The following PATL1 variants were observed in gnomAD, a reference collection of about 807,000 sequenced individuals.
PATL1 encodes the protein PAT1 homolog 1, processing body mRNA decay factor, also known as protein PAT1 homolog 1.
In PATL1, 32 loss-of-function variants were observed where a neutral mutation model predicts 100.6. The ratio of observed to expected loss-of-function variants is 0.32; its 90% CI spans 0.24 to 0.43. The LOEUF is 0.43. Among genes scored for constraint, PATL1 ranks in the 20% least tolerant of loss-of-function variants. The pLI, the probability that PATL1 is intolerant of heterozygous loss-of-function variation, is 1.00. For missense variants in PATL1, 747 were observed against 949.9 expected (o/e 0.79, Z 2.81); for synonymous variants, 332 against 330.0 (o/e 1.01, Z -0.07).
Position 59,637,767 on chromosome 11 carries a change from A to C in PATL1, c.*623T>G, listed in dbSNP as rs1197529069. On this transcript the variant is annotated 3_prime_UTR_variant, in exon 19 of 19. Coordinates refer to ENST00000300146, the MANE Select transcript of PATL1 (RefSeq NM_152716.3). ...ATTTATGTTAAAACAAGTAGAACCC[A>C]CCAAATTAATTACAAGATAGAACAG... The C allele has an allele frequency of 6.6e-6, 1 of 152,500 alleles. No homozygotes were observed. Among genetic ancestry groups the C allele is most frequent in the Non-Finnish European group, 1.5e-5 (1 of 68,258 alleles). 9.4% of individuals were successfully genotyped at this position (152,500 alleles called of 1,614,324 possible). A position where few individuals can be genotyped will look rare whatever the true frequency, so the allele number is the denominator to read the frequency against.
In PATL1 at chr11:59,650,832, T is replaced by C; in HGVS notation, c.1525-19A>G. The C allele has an allele frequency of 1.3e-6, 2 of 1,510,584 alleles. No individual in the cohort carries two copies. The highest frequency in any genetic ancestry group is 4.8e-5 in the East Asian group (2 of 41,728). 93.6% of individuals were successfully genotyped at this position (1,510,584 alleles called of 1,614,324 possible). ...TTGTCTCCTAAAAAAGAGAAGACTA[T>C]TCAATGCAAATTCTTTATCTCTGTT... On this transcript the variant is annotated intron_variant, in intron 12 of 18. Coordinates refer to ENST00000300146, the MANE Select transcript of PATL1 (RefSeq NM_152716.3).
At chr11:59,655,057 T>G (rs965899034) in intron 8 of PATL1, among the ~76,000 whole-genome samples, 2 of 152,238 alleles carry the variant, frequency 1.3e-5, no homozygotes, top group Admixed American at 6.5e-5. Context: ...TGGTCTGTCT[T>G]ACAGATTTCG....
At position 59,638,309 on chromosome 11, in the gene PATL1, C is replaced by A; in HGVS notation, c.*81G>T. 1 of 1,424,098 alleles carries A rather than the reference C, an allele frequency of 7.0e-7. No homozygotes were observed. Among genetic ancestry groups the A allele is most frequent in the East Asian group, 2.3e-5 (1 of 43,334 alleles). 88.2% of individuals were successfully genotyped at this position (1,424,098 alleles called of 1,614,324 possible). On this transcript the variant is annotated 3_prime_UTR_variant, in exon 19 of 19. Coordinates refer to ENST00000300146, the MANE Select transcript of PATL1 (RefSeq NM_152716.3). ...TTTGGGGAAAAAGCTACCTTCCTTC[C>A]CTCATTAAAAACACTCCATTGGTGA...
In PATL1 at chr11:59,647,738, C is replaced by T. The variant is rs2134743029; in HGVS notation, c.1893+16G>A. ...ATAAAGACTCAAAAGAAAGATGTCC[C>T]ATCTTGCATAGTCACCTCATCTTGT... is the stretch of plus-strand genomic sequence containing the variant. On this transcript the variant is annotated intron_variant, in intron 15 of 18. Coordinates refer to ENST00000300146, the MANE Select transcript of PATL1 (RefSeq NM_152716.3). 1 of 1,612,722 alleles carries T rather than the reference C, an allele frequency of 6.2e-7. No individual in the cohort carries two copies. Among genetic ancestry groups the T allele is most frequent in the Non-Finnish European group, 8.5e-7 (1 of 1,179,194 alleles).
chr11:59,640,380 T>TAA (rs1861259029), intron 16 of PATL1, among the ~76,000 whole-genome samples: 1 of 151,628 alleles, frequency 6.6e-6, no homozygotes, highest in Non-Finnish European at 1.5e-5. Context: ...AAATGTGTTT[T>TAA]ATTTAGTGGA....
At chr11:59,658,711 G>A (rs1350845701) in intron 4 of PATL1, among the ~76,000 whole-genome samples, 155 bp downstream of exon 4, 1 of 152,142 alleles carries the variant, frequency 6.6e-6, no homozygotes, top group Non-Finnish European at 1.5e-5. Context: ...TACCCTGGAG[G>A]CTAAAGAAAG....
chr11:59,664,171 C>T (rs894228137), intron 2 of PATL1, among the ~76,000 whole-genome samples: 2 of 152,190 alleles, frequency 1.3e-5, no homozygotes, highest in African/African-American at 4.8e-5. Context: ...TAACTTTGTA[C>T]TACCTGTTCT....
intron 1 of PATL1, among the ~76,000 whole-genome samples, chr11:59,667,902 A>C (rs1325031571): frequency 3.3e-5 from 5 of 152,356 alleles, no homozygotes; most frequent in Admixed American, 1.3e-4. Flanking sequence ...TCAAAAATTC[A>C]GAATCAGAAT....
At chr11:59,652,787 C>A in intron 10 of PATL1, 51 bp downstream of exon 10, 1 of 1,565,646 alleles carries the variant, frequency 6.4e-7, no homozygotes, top group Non-Finnish European at 8.7e-7. Context: ...AATACCCTCA[C>A]CAGTGTAGGG....
chr11:59,661,376 G>T (rs1861622332), intron 2 of PATL1, among the ~76,000 whole-genome samples: 1 of 152,168 alleles, frequency 6.6e-6, no homozygotes, highest in Non-Finnish European at 1.5e-5. Flanking sequence ...TTGAGCCACT[G>T]CCTCTGGCCT....
intron 5 of PATL1, 85 bp downstream of exon 5, chr11:59,657,445 C>G: frequency 7.9e-7 from 1 of 1,273,686 alleles, no homozygotes; most frequent in East Asian, 2.5e-5. Context: ...AAAATTTCCA[C>G]CCTCCACCCA....
intron 11 of PATL1, 30 bp from the exon 12 acceptor site, chr11:59,651,671 AC>A: frequency 1.4e-6 from 2 of 1,452,298 alleles, no homozygotes; most frequent in Non-Finnish European, 1.9e-6. Flanking sequence ...AAAAATTCCA[AC>A]AAAATAAAAA....
rs1861503227 is a variant in PATL1, at chr11:59,654,843, CAA to C, written c.1031+678_1031+679del. Among the ~76,000 whole-genome samples the C allele has an allele frequency of 1.3e-5, 2 of 152,166 alleles. 1 individual carries two copies. The highest frequency in any genetic ancestry group is 3.8e-4 in the East Asian group (2 of 5,198). On this transcript the variant is annotated intron_variant, in intron 8 of 18. Coordinates refer to ENST00000300146, the MANE Select transcript of PATL1 (RefSeq NM_152716.3). ...TAACATTTATAATCAGTTGACCTTA[CAA>C]AAGAGATTACCCTCAATAATGTGGG...
intron 6 of PATL1, 45 bp from the exon 7 acceptor site, chr11:59,656,090 G>C (rs1861528059): frequency 7.0e-6 from 8 of 1,144,468 alleles, no homozygotes; most frequent in African/African-American, 1.6e-5. Flanking sequence ...CTATAAAACA[G>C]GGGGTACATC....
Position 59,636,811 on chromosome 11 carries a change from AAAGAT to A in PATL1, c.*1574_*1578del, listed in dbSNP as rs1861198718. Reference sequence around the variant, plus strand: ...ATTAATTAGAACCAATCCAAACAAAAAAGATAAAGCACAGTAAGGAAGAGATAATA... The same window carrying A: ...ATTAATTAGAACCAATCCAAACAAAAAAAGCACAGTAAGGAAGAGATAATA... On this transcript the variant is annotated 3_prime_UTR_variant, in exon 19 of 19. Transcript: ENST00000300146. 1 of 152,634 alleles carries A rather than the reference AAAGAT, an allele frequency of 6.6e-6. No individual in the cohort carries two copies. Among genetic ancestry groups the A allele is most frequent in the Non-Finnish European group, 1.5e-5 (1 of 68,040 alleles). 9.5% of individuals were successfully genotyped at this position (152,634 alleles called of 1,614,324 possible).
At chr11:59,643,166 A>G in intron 15 of PATL1, 131 bp from the exon 16 acceptor site, 2 of 941,374 alleles carry the variant, frequency 2.1e-6, no homozygotes, top group Non-Finnish European at 3.1e-6. Context: ...AGATATGACT[A>G]GAGTCTTAAT....
chr11:59,667,552 C>T (rs1359990274), intron 1 of PATL1, among the ~76,000 whole-genome samples: 2 of 152,174 alleles, frequency 1.3e-5, no homozygotes, highest in Non-Finnish European at 2.9e-5. Context: ...CAAGTTCTGG[C>T]TCCATTCCTA....
chr11:59,650,820 A>C lies in PATL1; in HGVS notation c.1525-7T>G. 1 of 1,542,362 alleles carries C rather than the reference A, an allele frequency of 6.5e-7. No individual in the cohort carries two copies. The highest frequency in any genetic ancestry group is 8.8e-7 in the Non-Finnish European group (1 of 1,137,702). On this transcript the variant is annotated splice_region_variant and splice_polypyrimidine_tract_variant and intron_variant, in intron 12 of 18. Coordinates refer to ENST00000300146, the MANE Select transcript of PATL1 (RefSeq NM_152716.3). Reference sequence around the variant, plus strand: ...CTTGTTTTTCTTTTGTCTCCTAAAAAAGAGAAGACTATTCAATGCAAATTC... The same window carrying C: ...CTTGTTTTTCTTTTGTCTCCTAAAACAGAGAAGACTATTCAATGCAAATTC...
intron 16 of PATL1, among the ~76,000 whole-genome samples, chr11:59,640,740 CAG>C (rs1861266453): frequency 6.8e-6 from 1 of 147,692 alleles, no homozygotes; most frequent in Non-Finnish European, 1.5e-5. Context: ...AAAAAATGAA[CAG>C]GGGGCTGGGG....
Sources: allele counts gnomAD v4.1 joint callset (sites outside exome capture counted in the v4.1 genomes callset), GRCh38; gene constraint gnomAD v4.1.1; transcripts MANE v1.5; gene names NCBI Gene and HGNC (gene_info 2026-07-23, HGNC 2026-07-21).